SMARCA4: variants seen among roughly 807,000 people sequenced by gnomAD.
The protein encoded by SMARCA4 is SWI/SNF-related matrix-associated actin-dependent regulator of chromatin subfamily A member 4.
In SMARCA4, 31 loss-of-function variants were observed where a neutral mutation model predicts 193.9. That is an observed-to-expected ratio of 0.16 (90% CI 0.12 to 0.22). The LOEUF is 0.22. SMARCA4 is among the 10% of genes least tolerant of loss of function. The pLI is 1.00. For synonymous variants in SMARCA4, 942 were observed against 933.1 expected (o/e 1.01, Z -0.17); for missense variants, 1,148 against 2,296.0 (o/e 0.50, Z 10.22).
intron 1 of SMARCA4, among the ~76,000 whole-genome samples, chr19:10,972,186 T>C (rs2084730593): frequency 6.6e-6 from 1 of 152,106 alleles, no homozygotes; most frequent in South Asian, 2.1e-4. Context: ...CTCAAACTCC[T>C]GACCTCAAGT....
At chr19:10,992,349 T>C (rs1234392647) in intron 8 of SMARCA4, among the ~76,000 whole-genome samples, 1 of 151,434 alleles carries the variant, frequency 6.6e-6, no homozygotes, top group African/African-American at 2.4e-5. Context: ...ATTCCTGACC[T>C]CAAGTGATCT....
At chr19:10,992,482 T>C (rs946196244) in intron 8 of SMARCA4, among the ~76,000 whole-genome samples, 5 of 148,254 alleles carry the variant, frequency 3.4e-5, no homozygotes, top group Admixed American at 2.8e-4. Context: ...TGGAGTGCAA[T>C]GGCACGATCT....
rs774483875 is a variant in SMARCA4 at position 11,025,505 on chromosome 19, C to A, written c.3165C>A (p.Ile1055=). Residue 1055 remains isoleucine (I), a synonymous_variant, in exon 22 of 35, where the codon ATC becomes ATA. Coordinates refer to ENST00000344626, the MANE Select transcript of SMARCA4 (RefSeq NM_003072.5). ...ACCACCCCTACATGTTCCAGCACAT[C>A]GAGGTGAGCCCGCCGCGGCTGGGAC... is the stretch of plus-strand genomic sequence containing the variant. The part of the protein sequence containing the change: ...ICNHPYMFQH[I]EESFSEHLGF... The A allele has an allele frequency of 5.0e-6, 8 of 1,612,064 alleles. No individual in the cohort carries two copies. Among genetic ancestry groups the A allele is most frequent in the Non-Finnish European group, 6.8e-6 (8 of 1,179,216 alleles).
At chr19:11,020,394 TAG>T (rs1192490633) in intron 18 of SMARCA4, among the ~76,000 whole-genome samples, 2 of 151,664 alleles carry the variant, frequency 1.3e-5, no homozygotes, top group Non-Finnish European at 2.9e-5. Context: ...TGTTGAACAG[TAG>T]AGAGTTTTTT....
Position 11,058,802 on chromosome 19 carries a change from C to T in SMARCA4, c.4548C>T (p.Asn1516=), listed in dbSNP as rs1325003130. Residue 1516 remains asparagine, a synonymous_variant, in exon 32 of 35, where the codon AAC becomes AAT. Coordinates refer to ENST00000344626, the MANE Select transcript of SMARCA4 (RefSeq NM_003072.5). The surrounding 1 kb of genome is among the most constrained non-coding windows in gnomAD (Gnocchi z 5.8). The part of the protein sequence containing the change: ...DFKKIKERIR[N]HKYRSLNDLE... ...GTCCACTGCAGGAGCGCATTCGCAA[C>T]CACAAGTACCGCAGCCTCAACGACC... 2 of 1,614,102 alleles carry T rather than the reference C, an allele frequency of 1.2e-6. No individual in the cohort carries two copies. The highest frequency in any genetic ancestry group is 2.2e-5 in the East Asian group (1 of 44,874).
At position 10,990,072 on chromosome 19, in the gene SMARCA4, C is replaced by G. The variant is rs111960654; in HGVS notation, c.1245+629C>G. The stretch of plus-strand genomic sequence containing the variant: ...TGGAGAGATCACAGCTCACTGCAAA[C>G]TTGACCTCCCAGGCTCATGTCCTCC... On this transcript the variant is annotated intron_variant, in intron 7 of 34. Coordinates refer to ENST00000344626, the MANE Select transcript of SMARCA4 (RefSeq NM_003072.5). Among the ~76,000 whole-genome samples the G allele has an allele frequency of 3.9e-3, 588 of 152,268 alleles. 7 individuals carry two copies. Among genetic ancestry groups the G allele is most frequent in the African/African-American group, 0.013 (545 of 41,558 alleles).
intron 22 of SMARCA4, among the ~76,000 whole-genome samples, chr19:11,025,810 G>A (rs1344260286): frequency 6.6e-6 from 1 of 152,172 alleles, no homozygotes; most frequent in Non-Finnish European, 1.5e-5. Context: ...CGTCTCTTTG[G>A]CTCACTGGCT....
rs1264821826 is a variant in SMARCA4, at chr19:11,058,327, G to C, written c.4497G>C (p.Glu1499Asp). 3.1e-6 allele frequency: 5 copies of C among 1,613,378 alleles called. No individual in the cohort carries two copies. Among genetic ancestry groups the C allele is most frequent in the African/African-American group, 1.3e-5 (1 of 74,922 alleles). ...PSRKELPEYY[E>D]LIRKPVDFKK... ...GAAAGGAGCTGCCCGAGTACTACGA[G>C]CTCATCCGCAAGCCCGTGGACTTCA... The change falls in exon 31 of 35, where the codon GAG (glutamate) becomes GAC (aspartate). Residue 1499 changes from glutamate to aspartate, a missense_variant. By Grantham distance (45) the Glu-to-Asp change is conservative. Coordinates refer to ENST00000344626, the MANE Select transcript of SMARCA4 (RefSeq NM_003072.5). This position sits in a 1 kb window ranked among gnomAD's most constrained non-coding sequence, Gnocchi z 5.8.
At chr19:11,004,577 T>C (rs2099055763) in intron 13 of SMARCA4, among the ~76,000 whole-genome samples, 1 of 152,176 alleles carries the variant, frequency 6.6e-6, no homozygotes, top group Non-Finnish European at 1.5e-5. Flanking sequence ...ACTCTAACCC[T>C]CTTATGATTA....
intron 18 of SMARCA4, chr19:11,021,069 G>T (rs1237522585): frequency 6.0e-6 from 1 of 167,152 alleles, no homozygotes; most frequent in African/African-American, 2.4e-5. Context: ...CATGCTTCAG[G>T]TGCCTCCTTT....
At position 11,021,404 on chromosome 19, in the gene SMARCA4, G is replaced by A. The variant is rs12232780; in HGVS notation, c.2617-321G>A. ...CAAGATGTGTCTTCTGCCAGAACGT[G>A]CTCGGCATTTTTCTGTGCTGTAGAT... On this transcript the variant is annotated intron_variant, in intron 18 of 34. Coordinates refer to ENST00000344626, the MANE Select transcript of SMARCA4 (RefSeq NM_003072.5). 121,683 of 440,446 alleles carry A rather than the reference G, an allele frequency of 0.28. 18,525 individuals are homozygous for A. The highest frequency in any genetic ancestry group is 0.36 in the South Asian group (18,773 of 51,676). The allele number at this position is 440,446 out of a possible 1,614,324, so 27.3% of individuals were successfully genotyped here.
At chr19:11,039,781 T>A in intron 29 of SMARCA4, 1 of 342,390 alleles carries the variant, frequency 2.9e-6, no homozygotes, top group Non-Finnish European at 5.2e-6. Context: ...AGACCACATG[T>A]CTAAGAAAAT....
At chr19:10,988,892 G>A (rs1034299446) in intron 6 of SMARCA4, among the ~76,000 whole-genome samples, 2 of 152,186 alleles carry the variant, frequency 1.3e-5, no homozygotes, top group African/African-American at 4.8e-5. Flanking sequence ...ACCTTCGCAT[G>A]TAACCTTCGT....
Position 11,033,430 on chromosome 19 carries a change from C to T in SMARCA4, c.3687C>T (p.Ile1229=), listed in dbSNP as rs889691005. 1 of 1,613,316 alleles carries T rather than the reference C, an allele frequency of 6.2e-7. No individual in the cohort carries two copies. The highest frequency in any genetic ancestry group is 1.3e-5 in the African/African-American group (1 of 74,924). Residue 1229 remains isoleucine (I), a synonymous_variant, in exon 26 of 35, where the codon ATC becomes ATT. Transcript: ENST00000344626. The surrounding 1 kb of genome is among the most constrained non-coding windows in gnomAD (Gnocchi z 9.8). ...KYKLNVDQKV[I]QAGMFDQKSS... ...AGCTCAACGTGGACCAGAAGGTGAT[C>T]CAGGCCGGCATGTTCGACCAGAAGT...
At chr19:10,998,792 A>T (rs57900086) in intron 11 of SMARCA4, among the ~76,000 whole-genome samples, 1 of 151,786 alleles carries the variant, frequency 6.6e-6, no homozygotes, top group Non-Finnish European at 1.5e-5. Flanking sequence ...CTTTTGGTAC[A>T]TGCCCACCAT....
intron 1 of SMARCA4, among the ~76,000 whole-genome samples, chr19:10,977,025 A>C (rs2085188549): frequency 6.6e-6 from 1 of 151,448 alleles, no homozygotes; most frequent in Non-Finnish European, 1.5e-5. Flanking sequence ...CCACTGCGCT[A>C]AGCCTGGGTG....
chr19:11,027,803 T>G lies in SMARCA4; in HGVS notation c.3235T>G (p.Ser1079Ala). ...CTCCAGGCTGGACCTGTACCGAGCC[T>G]CGGGTAAATTTGAGCTTCTTGATAG... The part of the protein sequence containing the change: ...IVQGLDLYRA[S>A]GKFELLDRIL... The change falls in exon 24 of 35, where the codon TCG (serine) becomes GCG (alanine). Residue 1079 changes from serine to alanine, a missense_variant. Physicochemically the swap from Ser to Ala is moderately conservative, Grantham distance 99 (BLOSUM62 1). This residue lies in a region of SMARCA4 where 74 missense variants were observed against 392.3 expected (regional missense o/e 0.19). Transcript: ENST00000344626. 6.2e-7 allele frequency: 1 copy of G among 1,614,082 alleles called. No homozygotes were observed. Among genetic ancestry groups the G allele is most frequent in the Non-Finnish European group, 8.5e-7 (1 of 1,180,036 alleles).
intron 33 of SMARCA4, 59 bp downstream of exon 33, chr19:11,059,944 C>G (rs2147119278): frequency 1.2e-6 from 2 of 1,613,396 alleles, no homozygotes; most frequent in Non-Finnish European, 1.7e-6. Context: ...GCCCCCAAGG[C>G]CCCAGCTTTT....
At position 10,981,400 on chromosome 19, in the gene SMARCA4, C is replaced by G. The variant is rs150382958; in HGVS notation, c.-31-2721C>G. Reference sequence around the variant, plus strand: ...AAACGCAAGGTTCAGACTGTTGTCACATGGCAGAGGCCAGGGCGGCATCTC... The same window carrying G: ...AAACGCAAGGTTCAGACTGTTGTCAGATGGCAGAGGCCAGGGCGGCATCTC... On this transcript the variant is annotated intron_variant, in intron 1 of 34. Transcript: ENST00000344626. Among the ~76,000 whole-genome samples, 431 of 152,380 alleles carry G rather than the reference C, an allele frequency of 2.8e-3. 3 individuals carry two copies. Among genetic ancestry groups the G allele is most frequent in the African/African-American group, 0.01 (416 of 41,598 alleles).
Sources: allele counts gnomAD v4.1 joint callset (sites outside exome capture counted in the v4.1 genomes callset), GRCh38; gene constraint gnomAD v4.1.1; regional missense constraint gnomAD v4.1.1; non-coding constraint Gnocchi (gnomAD v3.1); transcripts MANE v1.5; gene names NCBI Gene and HGNC (gene_info 2026-07-23, HGNC 2026-07-21).